Variants in SLC25A48 observed in about 807,000 individuals in gnomAD.
The protein encoded by SLC25A48 is solute carrier family 25 member 48.
Under a neutral mutation model 32.2 loss-of-function variants are expected in SLC25A48, and 29 were observed. That is an observed-to-expected ratio of 0.90 (90% CI 0.67 to 1.23). The LOEUF (loss-of-function observed/expected upper bound fraction) is 1.23. SLC25A48 is among the 50% of genes most tolerant of loss of function. The pLI is 0.00. For missense variants in SLC25A48, 399 were observed against 422.7 expected (o/e 0.94, Z 0.49); for synonymous variants, 164 against 172.3 (o/e 0.95, Z 0.38).
chr5:135,746,930 T>C (rs944234464), intron 3 of SLC25A48, among the ~76,000 whole-genome samples: 3 of 152,132 alleles, frequency 2.0e-5, no homozygotes, highest in African/African-American at 7.2e-5. Flanking sequence ...TATCCCATAA[T>C]CTTGATTTGT....
chr5:135,618,944 A>G (rs539755343), intron 1 of SLC25A48, among the ~76,000 whole-genome samples: 10 of 151,740 alleles, frequency 6.6e-5, no homozygotes, highest in East Asian at 1.9e-4. Flanking sequence ...TTGATTTTCA[A>G]CAGTTTCACT....
chr5:135,805,904 G>T (rs1192364934), intron 3 of SLC25A48, among the ~76,000 whole-genome samples: 1 of 151,486 alleles, frequency 6.6e-6, no homozygotes, highest in Non-Finnish European at 1.5e-5. Context: ...AATATCTTAG[G>T]GAGATATTAC....
At chr5:135,658,789 G>T (rs1258637758) in intron 3 of SLC25A48, among the ~76,000 whole-genome samples, 1 of 152,236 alleles carries the variant, frequency 6.6e-6, no homozygotes, top group Admixed American at 6.5e-5. Flanking sequence ...CATAGAAGCT[G>T]CCAAGGCTTG....
intron 4 of SLC25A48, among the ~76,000 whole-genome samples, chr5:135,859,785 G>C (rs1760635104): frequency 6.6e-6 from 1 of 152,184 alleles, no homozygotes; most frequent in Non-Finnish European, 1.5e-5. Context: ...GGGCTGGTGA[G>C]TTGGTGCCAC....
chr5:135,679,799 A>T (rs774692909), intron 3 of SLC25A48, among the ~76,000 whole-genome samples: 2 of 152,034 alleles, frequency 1.3e-5, no homozygotes, highest in Non-Finnish European at 2.9e-5. Flanking sequence ...AGTCTGCTGG[A>T]GCTGGGCTGT....
intron 4 of SLC25A48, chr5:135,825,716 G>A (rs4976478): frequency 0.13 from 20,508 of 152,620 alleles, 1,823 homozygotes; most frequent in Non-Finnish European, 0.2. Context: ...CTGCTGCCCC[G>A]TCCTGCAGGT....
intron 3 of SLC25A48, among the ~76,000 whole-genome samples, chr5:135,765,452 G>A (rs73789142): frequency 0.048 from 7,257 of 151,344 alleles, 362 homozygotes; most frequent in African/African-American, 0.13. Context: ...TCACCATATC[G>A]CAGGGCGTGT....
At chr5:135,837,293 A>T (rs1758618354) in intron 1 of SLC25A48, among the ~76,000 whole-genome samples, 1 of 152,138 alleles carries the variant, frequency 6.6e-6, no homozygotes, top group Admixed American at 6.5e-5. Context: ...AGGGGATAAG[A>T]GGGGACAGGT....
At chr5:135,666,002 G>C (rs1160180483) in intron 3 of SLC25A48, among the ~76,000 whole-genome samples, 1 of 152,110 alleles carries the variant, frequency 6.6e-6, no homozygotes, top group East Asian at 1.9e-4. Context: ...AACCCACTGT[G>C]AGCACCATCA....
intron 6 of SLC25A48, chr5:135,875,768 A>G (rs1157736170): frequency 6.6e-6 from 1 of 152,268 alleles, no homozygotes; most frequent in Non-Finnish European, 1.5e-5. Context: ...GGTTGCATTA[A>G]TAGAAGTACA....
intron 3 of SLC25A48, among the ~76,000 whole-genome samples, chr5:135,803,945 C>T (rs1376270055): frequency 1.3e-5 from 2 of 151,492 alleles, no homozygotes; most frequent in African/African-American, 4.8e-5. Context: ...TGTGTACACC[C>T]ACTGTGTTCT....
At chr5:135,745,002 A>C (rs1370133536) in intron 3 of SLC25A48, among the ~76,000 whole-genome samples, 2 of 152,080 alleles carry the variant, frequency 1.3e-5, no homozygotes, top group Non-Finnish European at 1.5e-5. Context: ...AGATCATACC[A>C]CTGCACTCCA....
At chr5:135,683,699 G>A (rs1475801359) in intron 3 of SLC25A48, among the ~76,000 whole-genome samples, 1 of 152,196 alleles carries the variant, frequency 6.6e-6, no homozygotes, top group Non-Finnish European at 1.5e-5. Context: ...AACTGCCCAT[G>A]ACAAGAGGAC....
Position 135,871,540 on chromosome 5 carries a change from C to T in SLC25A48, c.501C>T (p.Thr167=). ...AYQGPVHCIT[T]IVRNEGLAGL... ...AGGGGCCAGTGCACTGCATTACAAC[C>T]ATTGTGAGGAATGAGGGCCTGGCGG... Residue 167 remains threonine (T), a synonymous_variant, in exon 5 of 8, where the codon ACC becomes ACT. Transcript: ENST00000681962. 1 of 1,614,164 alleles carries T rather than the reference C, an allele frequency of 6.2e-7. No homozygotes were observed.
chr5:135,709,294 C>A (rs531891612), intron 3 of SLC25A48, among the ~76,000 whole-genome samples: 1 of 152,216 alleles, frequency 6.6e-6, no homozygotes, highest in Non-Finnish European at 1.5e-5. Context: ...TAGCCTTGGG[C>A]TCTTGGGCCA....
chr5:135,676,552 G>A (rs546390737), intron 3 of SLC25A48, among the ~76,000 whole-genome samples: 220 of 151,924 alleles, frequency 1.4e-3, no homozygotes, highest in Non-Finnish European at 2.6e-3. Context: ...GGCATCATTA[G>A]ACTGTTTATT....
intron 3 of SLC25A48, among the ~76,000 whole-genome samples, chr5:135,792,793 A>C (rs373748913): frequency 2.0e-5 from 3 of 151,672 alleles, no homozygotes; most frequent in African/African-American, 7.3e-5. Flanking sequence ...TATTATTCCT[A>C]ATATACTGAG....
chr5:135,810,644 T>G (rs544524529), intron 3 of SLC25A48, among the ~76,000 whole-genome samples: 4 of 152,206 alleles, frequency 2.6e-5, no homozygotes, highest in Non-Finnish European at 4.4e-5. Flanking sequence ...ACACAGCATG[T>G]GGTTTTTGTC....
At chr5:135,646,880 G>A (rs1053710038) in intron 3 of SLC25A48, among the ~76,000 whole-genome samples, 18 of 151,282 alleles carry the variant, frequency 1.2e-4, no homozygotes, top group Non-Finnish European at 2.9e-5. Context: ...AGGATGAATA[G>A]GTTCTAGAGA....
Sources: allele counts gnomAD v4.1 joint callset (sites outside exome capture counted in the v4.1 genomes callset), GRCh38; gene constraint gnomAD v4.1.1; transcripts MANE v1.5; gene names NCBI Gene and HGNC (gene_info 2026-07-23, HGNC 2026-07-21).